The following ELAVL1 variants were observed in gnomAD, a reference collection of about 807,000 sequenced individuals.
ELAVL1 encodes the protein ELAV-like protein 1.
A neutral mutation model predicts 28.4 loss-of-function variants in ELAVL1; 1 was observed. The observed-to-expected ratio is 0.04, with a 90% CI of 0.01 to 0.17. The LOEUF (loss-of-function observed/expected upper bound fraction) is 0.17. ELAVL1 is among the 10% of genes least tolerant of loss of function. The pLI, the probability that ELAVL1 is intolerant of heterozygous loss-of-function variation, is 1.00. For synonymous variants in ELAVL1, 174 were observed against 183.5 expected, an observed-to-expected ratio of 0.95 and a Z score of 0.42; for missense variants, 157 against 447.2, an observed-to-expected ratio of 0.35 and a Z score of 5.85.
At chr19:7,998,011 G>A (rs1210226897) in intron 1 of ELAVL1, among the ~76,000 whole-genome samples, 1 of 152,178 alleles carries the variant, frequency 6.6e-6, no homozygotes, top group African/African-American at 2.4e-5. Context: ...GAGAACTTCT[G>A]CTTTGCGGCC....
At chr19:7,969,851 AG>A (rs1985058005) in intron 4 of ELAVL1, among the ~76,000 whole-genome samples, 1 of 152,066 alleles carries the variant, frequency 6.6e-6, no homozygotes, top group African/African-American at 2.4e-5. Flanking sequence ...AGCTCTAGTA[AG>A]GGGGGCAGGA....
chr19:7,984,446 C>T (rs560518283), intron 2 of ELAVL1, among the ~76,000 whole-genome samples: 5 of 152,320 alleles, frequency 3.3e-5, no homozygotes, highest in Non-Finnish European at 5.9e-5. Context: ...GAGACAATGC[C>T]AGTGTATTCC....
chr19:8,004,654 T>C (rs2081080671), intron 1 of ELAVL1, among the ~76,000 whole-genome samples: 1 of 152,170 alleles, frequency 6.6e-6, no homozygotes, highest in African/African-American at 2.4e-5. Flanking sequence ...ATCATTCTCC[T>C]CATCTTCCCA....
At chr19:8,001,869 G>A (rs2081069163) in intron 1 of ELAVL1, among the ~76,000 whole-genome samples, 2 of 152,138 alleles carry the variant, frequency 1.3e-5, no homozygotes, top group African/African-American at 4.8e-5. Flanking sequence ...GCCAGGCACA[G>A]AGCAAAGCAT....
chr19:7,967,908 T>A, intron 4 of ELAVL1, 118 bp from the exon 5 acceptor site: 1 of 1,076,034 alleles, frequency 9.3e-7, no homozygotes, highest in Non-Finnish European at 1.3e-6. Flanking sequence ...GTTAAGGAAA[T>A]AAACAAAAAT....
chr19:7,980,961 G>A (rs1878719425), intron 3 of ELAVL1, 122 bp downstream of exon 3: 5 of 940,160 alleles, frequency 5.3e-6, no homozygotes, highest in Non-Finnish European at 6.7e-6. Flanking sequence ...GTATCTGATG[G>A]GAGCCCCCGA....
intron 2 of ELAVL1, among the ~76,000 whole-genome samples, chr19:7,990,242 G>A (rs1016084636): frequency 6.6e-6 from 1 of 151,906 alleles, no homozygotes; most frequent in Non-Finnish European, 1.5e-5. Context: ...GGCTGGTCTC[G>A]AACTCCTGAC....
chr19:7,985,303 C>A (rs1013493764), intron 2 of ELAVL1, among the ~76,000 whole-genome samples: 2 of 152,222 alleles, frequency 1.3e-5, no homozygotes. Flanking sequence ...GGAGAGGAGG[C>A]CTCCAGAGGA....
At chr19:7,977,886 G>T (rs79558900) in intron 3 of ELAVL1, among the ~76,000 whole-genome samples, 23,992 of 152,260 alleles carry the variant, frequency 0.16, 2,223 homozygotes, top group Non-Finnish European at 0.21. Context: ...CTGGCCACTG[G>T]GTCTCCTCTA....
intron 2 of ELAVL1, among the ~76,000 whole-genome samples, chr19:7,989,364 A>T (rs1985694206): frequency 6.6e-6 from 1 of 152,212 alleles, no homozygotes; most frequent in South Asian, 2.1e-4. Flanking sequence ...GTTACTAACT[A>T]CTGTCCAAAG....
At chr19:7,986,990 G>A (rs556914972) in intron 2 of ELAVL1, among the ~76,000 whole-genome samples, 3 of 152,006 alleles carry the variant, frequency 2.0e-5, no homozygotes, top group South Asian at 2.1e-4. Flanking sequence ...TTTCTGTGAG[G>A]AGCAAACATG....
At chr19:7,992,076 G>A (rs950298819) in intron 1 of ELAVL1, among the ~76,000 whole-genome samples, 6 of 152,054 alleles carry the variant, frequency 3.9e-5, no homozygotes, top group African/African-American at 1.4e-4. Flanking sequence ...GAGTAGCTGG[G>A]ATTACAGGCG....
At position 7,981,013 on chromosome 19, in the gene ELAVL1, G is replaced by A. The variant is rs1378365484; in HGVS notation, c.276+70C>T. 4 of 1,488,922 alleles carry A rather than the reference G, an allele frequency of 2.7e-6. No individual in the cohort carries two copies. Among genetic ancestry groups the A allele is most frequent in the South Asian group, 2.3e-5 (2 of 88,096 alleles). 92.2% of individuals were successfully genotyped at this position (1,488,922 alleles called of 1,614,324 possible). ...TAGTCCCTTGGAGAGTGACTGTGAG[G>A]CTGGGCGGGGCTCAGCACAGACCTG... is the stretch of plus-strand genomic sequence containing the variant. On this transcript the variant is annotated intron_variant, in intron 3 of 5. Coordinates refer to ENST00000407627, the MANE Select transcript of ELAVL1 (RefSeq NM_001419.3). This position sits in a 1 kb window ranked among gnomAD's most constrained non-coding sequence, Gnocchi z 4.2.
Position 7,961,866 on chromosome 19 carries a change from T to C in ELAVL1, c.*1617A>G, listed in dbSNP as rs1331176147. ...AAATAAATACATAAATAGGTATAAATAAACAGATAAATACAGCCATCATCT... is the reference window on the plus strand; with the variant it reads ...AAATAAATACATAAATAGGTATAAACAAACAGATAAATACAGCCATCATCT... On this transcript the variant is annotated 3_prime_UTR_variant, in exon 6 of 6. Coordinates refer to ENST00000407627, the MANE Select transcript of ELAVL1 (RefSeq NM_001419.3). 2.6e-5 allele frequency: 4 copies of C among 152,144 alleles called. No individual in the cohort carries two copies. Among genetic ancestry groups the C allele is most frequent in the East Asian group, 1.9e-4 (1 of 5,200 alleles). The allele number at this position is 152,144 out of a possible 1,614,324, so 9.4% of individuals were successfully genotyped here.
intron 1 of ELAVL1, among the ~76,000 whole-genome samples, chr19:7,996,694 T>C (rs570490089): frequency 5.0e-4 from 76 of 151,598 alleles, no homozygotes; most frequent in African/African-American, 1.7e-3. Context: ...GCATCTGTAA[T>C]CTCAGTTACT....
intron 2 of ELAVL1, among the ~76,000 whole-genome samples, chr19:7,990,393 A>G (rs1985719004): frequency 6.7e-6 from 1 of 149,102 alleles, no homozygotes; most frequent in South Asian, 2.1e-4. Context: ...AAAGTGTAGA[A>G]GACACTTTAG....
chr19:7,975,964 A>G (rs1319096035), intron 3 of ELAVL1, among the ~76,000 whole-genome samples: 1 of 151,942 alleles, frequency 6.6e-6, no homozygotes, highest in Non-Finnish European at 1.5e-5. Flanking sequence ...GTGGTGGGGC[A>G]TACCTCTATT....
intron 2 of ELAVL1, among the ~76,000 whole-genome samples, chr19:7,983,669 C>T (rs1003672982): frequency 1.3e-5 from 2 of 152,208 alleles, no homozygotes; most frequent in African/African-American, 4.8e-5. Context: ...GCTGCGGCGC[C>T]TCAGGCAGCC....
chr19:7,976,840 A>AT (rs764204939), intron 3 of ELAVL1, among the ~76,000 whole-genome samples: 12,643 of 132,916 alleles, frequency 0.095, 566 homozygotes, highest in African/African-American at 0.13. Flanking sequence ...GACACGCTAC[A>AT]TTTTTTTTTT....
Sources: gnomAD v4.1 joint callset for allele counts (sites outside exome capture counted in the v4.1 genomes callset) on GRCh38, gnomAD v4.1.1 for gene constraint, Gnocchi (gnomAD v3.1) non-coding constraint, MANE v1.5 for transcripts, NCBI Gene and HGNC (gene_info 2026-07-23, HGNC 2026-07-21) for gene names.